ASTN2: variants seen among roughly 807,000 people sequenced by gnomAD.
ASTN2 encodes astrotactin-2.
Under a neutral mutation model 139.8 loss-of-function variants are expected in ASTN2, and 54 were observed. The observed-to-expected ratio is 0.39, with a 90% CI of 0.31 to 0.48. ASTN2 has a LOEUF of 0.48. ASTN2 is among the 20% of genes least tolerant of loss of function. ASTN2 has a pLI of 0.95. For synonymous variants in ASTN2, 756 were observed against 719.5 expected (o/e 1.05, Z -0.81); for missense variants, 1,565 against 1,725.1 (o/e 0.91, Z 1.64).
chr9:117,139,859 T>C (rs1830032399), intron 4 of ASTN2, among the ~76,000 whole-genome samples: 1 of 152,234 alleles, frequency 6.6e-6, no homozygotes, highest in African/African-American at 2.4e-5. Flanking sequence ...CCATGCATGT[T>C]AAGCTTGAAA....
Position 117,244,750 on chromosome 9 carries a change from G to T in ASTN2, c.631-30008C>A, listed in dbSNP as rs547146325. 1.6e-3 allele frequency among the ~76,000 whole-genome samples: 243 copies of T among 147,350 alleles called. 1 individual carries two copies. Among genetic ancestry groups the T allele is most frequent in the Non-Finnish European group, 1.9e-3 (124 of 66,562 alleles). Reference sequence around the variant, plus strand: ...AAGGAGGGAGTGAGGGAGGGAAGGAGGGAGGGAGGGAGAGAGGGAAGGAGG... The same window carrying T: ...AAGGAGGGAGTGAGGGAGGGAAGGATGGAGGGAGGGAGAGAGGGAAGGAGG... On this transcript the variant is annotated intron_variant, in intron 2 of 22. Coordinates refer to ENST00000313400, the MANE Select transcript of ASTN2 (RefSeq NM_001365068.1).
At chr9:116,544,495 AT>A (rs1367144314) in intron 19 of ASTN2, among the ~76,000 whole-genome samples, 1 of 152,182 alleles carries the variant, frequency 6.6e-6, no homozygotes, top group Non-Finnish European at 1.5e-5. Flanking sequence ...GTTATTTGCT[AT>A]GTTTCCCCAT....
At chr9:116,861,823 G>C (rs1235287541) in intron 11 of ASTN2, among the ~76,000 whole-genome samples, 1 of 152,212 alleles carries the variant, frequency 6.6e-6, no homozygotes, top group Non-Finnish European at 1.5e-5. Flanking sequence ...TTGTCCTGTA[G>C]GACTTGCATC....
intron 19 of ASTN2, among the ~76,000 whole-genome samples, chr9:116,590,377 G>T (rs1308653267): frequency 6.6e-6 from 1 of 152,222 alleles, no homozygotes; most frequent in Non-Finnish European, 1.5e-5. Flanking sequence ...ACCTGGCTGG[G>T]TGCATGTGAG....
At chr9:116,612,265 T>C (rs1187497731) in intron 19 of ASTN2, 12 of 152,040 alleles carry the variant, frequency 7.9e-5, no homozygotes. Context: ...TCCCACACAA[T>C]AATAATGGGA....
chr9:116,660,224 A>T lies in ASTN2; in HGVS notation c.2807-8431T>A, dbSNP rs147080907. Reference sequence around the variant, plus strand: ...CACACATTTGGGGAATGGAAAGAAAAGCAACAGTGGAGATTCCAAAAATAA... The same window carrying T: ...CACACATTTGGGGAATGGAAAGAAATGCAACAGTGGAGATTCCAAAAATAA... On this transcript the variant is annotated intron_variant, in intron 16 of 22. Transcript: ENST00000313400. Among the ~76,000 whole-genome samples the T allele has an allele frequency of 6.7e-3, 1,013 of 152,084 alleles. 19 individuals carry two copies. Among genetic ancestry groups the T allele is most frequent in the African/African-American group, 0.023 (961 of 41,484 alleles).
rs1834037049 is a variant in ASTN2 at position 116,902,470 on chromosome 9, AT to A, written c.1890-38738del. Among the ~76,000 whole-genome samples, 7 of 152,270 alleles carry A rather than the reference AT, an allele frequency of 4.6e-5. No individual in the cohort carries two copies. In the South Asian group the frequency reaches 1.5e-3, roughly 32 times the overall value. ...AAAAATATACCATATTTTGGTGTAC[AT>A]TTTCTATGCTTAGATACACAAATAC... On this transcript the variant is annotated intron_variant, in intron 10 of 22. Transcript: ENST00000313400.
At chr9:116,827,880 C>T (rs1466351544) in intron 11 of ASTN2, among the ~76,000 whole-genome samples, 8 of 152,162 alleles carry the variant, frequency 5.3e-5, no homozygotes, top group Non-Finnish European at 1.2e-4. Context: ...TTCTTTCTAA[C>T]TCATTCTATC....
At position 117,032,550 on chromosome 9, in the gene ASTN2, A is replaced by T. The variant is rs765768432; in HGVS notation, c.1423+7269T>A. Among the ~76,000 whole-genome samples, 111 of 152,164 alleles carry T rather than the reference A, an allele frequency of 7.3e-4. 3 individuals are homozygous for T. Among genetic ancestry groups the T allele is most frequent in the Non-Finnish European group, 1.9e-4 (13 of 68,028 alleles). On this transcript the variant is annotated intron_variant, in intron 6 of 22. Coordinates refer to ENST00000313400, the MANE Select transcript of ASTN2 (RefSeq NM_001365068.1). ...GTTTGTGGCTAAGGATCCACTTACA[A>T]TGTGGTGTCATTTTCCCTTCTAAGA... is the stretch of plus-strand genomic sequence containing the variant.
intron 3 of ASTN2, among the ~76,000 whole-genome samples, chr9:117,203,684 G>C (rs1366524919): frequency 6.6e-6 from 1 of 152,120 alleles, no homozygotes; most frequent in South Asian, 2.1e-4. Context: ...TGTGCCTGGA[G>C]ATGTCACTCA....
chr9:116,885,395 G>C (rs1030540543), intron 10 of ASTN2, among the ~76,000 whole-genome samples: 1 of 152,214 alleles, frequency 6.6e-6, no homozygotes, highest in South Asian at 2.1e-4. Flanking sequence ...ACGGAGCACA[G>C]TGGCTCATGC....
chr9:116,487,071 T>C (rs555198690), intron 20 of ASTN2, among the ~76,000 whole-genome samples: 18 of 152,326 alleles, frequency 1.2e-4, no homozygotes, highest in African/African-American at 3.6e-4. Context: ...ATCTGTGCTC[T>C]TGAGTAAGCC....
chr9:116,892,838 G>C (rs559095402), intron 10 of ASTN2, among the ~76,000 whole-genome samples: 1 of 152,008 alleles, frequency 6.6e-6, no homozygotes, highest in Non-Finnish European at 1.5e-5. Flanking sequence ...TAAAAATAAA[G>C]GCACCCAATT....
At chr9:117,238,023 G>A (rs1305359515) in intron 2 of ASTN2, among the ~76,000 whole-genome samples, 1 of 152,176 alleles carries the variant, frequency 6.6e-6, no homozygotes, top group Non-Finnish European at 1.5e-5. Flanking sequence ...ATAGCTGAGG[G>A]AAGGTGACAC....
chr9:117,336,984 C>T (rs983397748), intron 1 of ASTN2, among the ~76,000 whole-genome samples: 1 of 152,282 alleles, frequency 6.6e-6, no homozygotes, highest in Middle Eastern at 3.4e-3. Flanking sequence ...TGTTTGCTGT[C>T]AGTTTGCATG....
rs577814903 is a variant in ASTN2 at position 116,700,096 on chromosome 9, C to A, written c.2806+25675G>T. The stretch of plus-strand genomic sequence containing the variant: ...CCCTTGATCCATTGTTTCCTTCCTA[C>A]TATAATGTGCTTCATCTGTGACACT... On this transcript the variant is annotated intron_variant, in intron 16 of 22. Transcript: ENST00000313400. 32 of 289,084 alleles carry A rather than the reference C, an allele frequency of 1.1e-4. 1 individual carries two copies. The Admixed American group carries it at 1.6e-3, about 14-fold the overall frequency. The allele number at this position is 289,084 out of a possible 1,614,324, so 17.9% of individuals were successfully genotyped here.
intron 1 of ASTN2, among the ~76,000 whole-genome samples, chr9:117,366,647 A>G (rs1455545898): frequency 1.3e-5 from 2 of 152,122 alleles, no homozygotes; most frequent in Admixed American, 1.3e-4. Flanking sequence ...CTCCTGAGCC[A>G]TCTCATGACC....
At chr9:116,690,721 T>C (rs968572802) in intron 16 of ASTN2, among the ~76,000 whole-genome samples, 6 of 152,210 alleles carry the variant, frequency 3.9e-5, no homozygotes, top group African/African-American at 1.2e-4. Flanking sequence ...CTATTACTTA[T>C]TGGTTTTGAG....
rs397893932 is a variant in ASTN2 at position 116,801,585 on chromosome 9, C to CAA, written c.2396+4045_2396+4046dup. Among the ~76,000 whole-genome samples the CAA allele has an allele frequency of 5.9e-3, 358 of 60,274 alleles. 3 individuals are homozygous for CAA. Among genetic ancestry groups the CAA allele is most frequent in the Middle Eastern group, 0.013 (1 of 78 alleles). The allele number at this position is 60,274 out of a possible 152,430, so 39.5% of individuals were successfully genotyped here. On this transcript the variant is annotated intron_variant, in intron 13 of 22. Coordinates refer to ENST00000313400, the MANE Select transcript of ASTN2 (RefSeq NM_001365068.1). ...CAGGCAACAGTGTGAGGCTCTGTCT[C>CAA]AAAAAAAAAAAAAAAAAAAAAAAAA...
Sources: allele counts gnomAD v4.1 joint callset (sites outside exome capture counted in the v4.1 genomes callset), GRCh38; gene constraint gnomAD v4.1.1; transcripts MANE v1.5; gene names NCBI Gene and HGNC (gene_info 2026-07-23, HGNC 2026-07-21).